Variants in ADARB1 observed in about 807,000 individuals in gnomAD.
The protein encoded by ADARB1 is adenosine deaminase RNA specific B1.
Under a neutral mutation model 52.4 loss-of-function variants are expected in ADARB1, and 10 were observed. The observed-to-expected ratio is 0.19, with a 90% CI of 0.12 to 0.32. The LOEUF (loss-of-function observed/expected upper bound fraction) is 0.32. Among genes scored for constraint, ADARB1 ranks in the 10% least tolerant of loss-of-function variants. The probability of loss-of-function intolerance (pLI) is 1.00; values close to 1 mark genes in which losing one functional copy is unlikely to be tolerated. For synonymous variants in ADARB1, 349 were observed against 371.1 expected (o/e 0.94, Z 0.68); for missense variants, 643 against 922.3 (o/e 0.70, Z 3.92).
chr21:45,156,016 A>C, intron 2 of ADARB1, among the ~76,000 whole-genome samples: 1 of 130,284 alleles, frequency 7.7e-6, no homozygotes, highest in Non-Finnish European at 1.6e-5. Context: ...CCACTCACCC[A>C]CCCACCATCA....
chr21:45,207,750 A>C (rs2092694241), intron 9 of ADARB1, among the ~76,000 whole-genome samples: 1 of 152,212 alleles, frequency 6.6e-6, no homozygotes, highest in Non-Finnish European at 1.5e-5. Context: ...CCCGTGTTAA[A>C]AAGAGAGCGC....
chr21:45,196,297 A>G (rs953462286), intron 8 of ADARB1, among the ~76,000 whole-genome samples: 9 of 146,496 alleles, frequency 6.1e-5, no homozygotes, highest in African/African-American at 1.5e-4. Context: ...CCCTGTGCAG[A>G]AAAAAAAAAA....
intron 9 of ADARB1, among the ~76,000 whole-genome samples, chr21:45,219,145 A>G (rs1486021329): frequency 6.6e-6 from 1 of 152,214 alleles, no homozygotes; most frequent in East Asian, 1.9e-4. Context: ...ATGTTTAAAG[A>G]TATAAACATT....
chr21:45,113,467 GTA>G (rs143989319), intron 1 of ADARB1, among the ~76,000 whole-genome samples: 3,177 of 147,308 alleles, frequency 0.022, 93 homozygotes, highest in African/African-American at 0.069. Flanking sequence ...GTGTGTGTGT[GTA>G]TATATATATA....
chr21:45,176,928 A>C lies in ADARB1; in HGVS notation c.963+264A>C. On this transcript the variant is annotated intron_variant, in intron 4 of 10. Transcript: ENST00000348831. This position sits in a 1 kb window ranked among gnomAD's most constrained non-coding sequence, Gnocchi z 5.8. ...CCCCGTCCACCAGAGCAGTGTTTAC[A>C]ACACTATCCATAACTCCCTTCCCGT... 2.2e-6 allele frequency: 1 copy of C among 459,464 alleles called. No homozygotes were observed. 28.5% of individuals were successfully genotyped at this position (459,464 alleles called of 1,614,324 possible). A position where few individuals can be genotyped will look rare whatever the true frequency, so the allele number is the denominator to read the frequency against.
At position 45,180,315 on chromosome 21, in the gene ADARB1, G is replaced by C. The variant is rs764634730; in HGVS notation, c.964-15G>C. On this transcript the variant is annotated splice_polypyrimidine_tract_variant and intron_variant, in intron 4 of 10. Coordinates refer to ENST00000348831, the MANE Select transcript of ADARB1 (RefSeq NM_001112.4). ...TGCATCTGGCCCCTAACCTGCATCT[G>C]TGCTTCCCACACAGGTTTTAGCTGA... 2.5e-6 allele frequency: 4 copies of C among 1,604,018 alleles called. No individual in the cohort carries two copies. In the Admixed American group the frequency reaches 6.7e-5, roughly 27 times the overall value.
intron 2 of ADARB1, among the ~76,000 whole-genome samples, chr21:45,158,823 G>A (rs944272182): frequency 6.6e-6 from 1 of 152,126 alleles, no homozygotes; most frequent in South Asian, 2.1e-4. Flanking sequence ...ATGGAAAAGT[G>A]TGCCGTTCTT....
intron 1 of ADARB1, among the ~76,000 whole-genome samples, chr21:45,081,653 AG>A (rs1444084258): frequency 6.6e-6 from 1 of 152,164 alleles, no homozygotes; most frequent in Non-Finnish European, 1.5e-5. Context: ...GGCATGACCG[AG>A]GAGACAGGGC....
chr21:45,079,727 A>G (rs1182849629), intron 1 of ADARB1, among the ~76,000 whole-genome samples: 1 of 152,244 alleles, frequency 6.6e-6, no homozygotes, highest in African/African-American at 2.4e-5. Context: ...ACAGTATTTA[A>G]TGGGGCTTAC....
Position 45,128,218 on chromosome 21 carries a change from G to A in ADARB1, c.-219-184G>A, listed in dbSNP as rs2838789. On this transcript the variant is annotated intron_variant, in intron 1 of 10. Coordinates refer to ENST00000348831, the MANE Select transcript of ADARB1 (RefSeq NM_001112.4). The surrounding 1 kb of genome is among the most constrained non-coding windows in gnomAD (Gnocchi z 4.6). ...CTGCTGCAGGCAGACGGACGGAGAC[G>A]TGATGGATTGCGCATATCCCCTTTA... 0.16 allele frequency among the ~76,000 whole-genome samples: 23,719 copies of A among 152,246 alleles called. 1,955 individuals are homozygous for A. The highest frequency in any genetic ancestry group is 0.22 in the Middle Eastern group (65 of 294).
intron 2 of ADARB1, among the ~76,000 whole-genome samples, chr21:45,130,767 G>A (rs780924219): frequency 9.9e-5 from 15 of 152,120 alleles, no homozygotes; most frequent in East Asian, 1.9e-4. Context: ...TTAGTTTCAG[G>A]CAGACTCACT....
intron 3 of ADARB1, 104 bp from the exon 4 acceptor site, chr21:45,175,626 C>T: frequency 8.8e-7 from 1 of 1,138,686 alleles, no homozygotes; most frequent in African/African-American, 1.5e-5. Context: ...TATAAGCACA[C>T]ATCACTTAAC....
chr21:45,159,184 C>T (rs903083184), intron 2 of ADARB1, among the ~76,000 whole-genome samples: 2 of 152,092 alleles, frequency 1.3e-5, no homozygotes. Context: ...AGAGGCCTCT[C>T]AATCATGACG....
rs2093018207 is a variant in ADARB1, at chr21:45,224,327, A to G, written c.*2130A>G. On this transcript the variant is annotated 3_prime_UTR_variant, in exon 11 of 11. Coordinates refer to ENST00000348831, the MANE Select transcript of ADARB1 (RefSeq NM_001112.4). ...ATTGCTCCCTGTACCACCCCAAATA[A>G]GTGAGTGCCTCACCTTGTGGGGCCT... 23 of 985,462 alleles carry G rather than the reference A, an allele frequency of 2.3e-5. No individual in the cohort carries two copies. Among genetic ancestry groups the G allele is most frequent in the Non-Finnish European group, 2.8e-5 (23 of 830,004 alleles). The allele number at this position is 985,462 out of a possible 1,614,324, so 61.0% of individuals were successfully genotyped here.
At chr21:45,219,916 A>G (rs2092931899) in intron 9 of ADARB1, among the ~76,000 whole-genome samples, 1 of 151,988 alleles carries the variant, frequency 6.6e-6, no homozygotes, top group Non-Finnish European at 1.5e-5. Flanking sequence ...GAGCATCCCA[A>G]AAATGCTGCC....
At position 45,200,042 on chromosome 21, in the gene ADARB1, G is replaced by A. The variant is rs78188190; in HGVS notation, c.1566-4513G>A. Among the ~76,000 whole-genome samples the A allele has an allele frequency of 1.3e-5, 2 of 152,218 alleles. No individual in the cohort carries two copies. Among genetic ancestry groups the A allele is most frequent in the African/African-American group, 2.4e-5 (1 of 41,450 alleles). On this transcript the variant is annotated intron_variant, in intron 8 of 10. Transcript: ENST00000348831. The surrounding 1 kb of genome is among the most constrained non-coding windows in gnomAD (Gnocchi z 5.0). ...TAGCAAATGGCCAGAAAAGTTGCCC[G>A]GAAAGAGCCCTGGTGGCCAAAATGA...
intron 1 of ADARB1, among the ~76,000 whole-genome samples, chr21:45,113,497 ATGTGTGTG>A (rs35666010): frequency 4.4e-4 from 65 of 146,392 alleles, no homozygotes; most frequent in Non-Finnish European, 6.3e-4. Context: ...GTGTGTATAT[ATGTGTGTG>A]TGTGTGTGTG....
chr21:45,110,200 G>A (rs1251694077), intron 1 of ADARB1, among the ~76,000 whole-genome samples: 11 of 152,164 alleles, frequency 7.2e-5, no homozygotes, highest in Admixed American at 6.5e-4. Flanking sequence ...TTTCTTCCTT[G>A]AGGAGAAACC....
At chr21:45,158,795 A>G (rs187241039) in intron 2 of ADARB1, among the ~76,000 whole-genome samples, 12 of 152,200 alleles carry the variant, frequency 7.9e-5, no homozygotes, top group Admixed American at 3.9e-4. Context: ...CAGGGCATAC[A>G]ATATTTTGTG....
Sources: gnomAD v4.1 joint callset for allele counts (sites outside exome capture counted in the v4.1 genomes callset) on GRCh38, gnomAD v4.1.1 for gene constraint, Gnocchi (gnomAD v3.1) non-coding constraint, MANE v1.5 for transcripts, NCBI Gene and HGNC (gene_info 2026-07-23, HGNC 2026-07-21) for gene names.